The following TRIM64B variants were observed in gnomAD, a reference collection of about 807,000 sequenced individuals.
TRIM64B encodes the protein tripartite motif containing 64B, also known as tripartite motif-containing protein 64B.
For missense variants in TRIM64B, 57 were observed against 536.4 expected (o/e 0.11, Z 8.83); for synonymous variants, 17 against 190.3 (o/e 0.09, Z 7.50).
rs771338591 is a variant in TRIM64B, at chr11:89,875,806, T to A, written c.212A>T (p.Lys71Ile). Residue 71 changes from lysine (K) to isoleucine (I), a missense_variant, in exon 1 of 6, where the codon AAA (lysine) becomes ATA (isoleucine). Coordinates refer to ENST00000329862, the Ensembl canonical transcript of TRIM64B. ...CTGTCTGGCTAGGGAAGACAGCTTT[T>A]TGAGTACCAGATTGGTGTTGAAGTT... 6 of 1,540,162 alleles carry A rather than the reference T, an allele frequency of 3.9e-6. No individual in the cohort carries two copies. In the African/African-American group the frequency reaches 8.2e-5, roughly 21 times the overall value.
upstream of TRIM64B, among the ~76,000 whole-genome samples, chr11:89,876,505 G>A (rs1258802368): frequency 4.0e-5 from 6 of 149,644 alleles, no homozygotes; most frequent in East Asian, 7.9e-4. Flanking sequence ...GGCGGATCAC[G>A]AGGTCAGGAG....
chr11:89,876,985 T>C (rs1950169773), upstream of TRIM64B, among the ~76,000 whole-genome samples: 3 of 146,538 alleles, frequency 2.0e-5, no homozygotes, highest in South Asian at 2.2e-4. Context: ...GAGTCACTTA[T>C]GTAAGCTAAT....
exon 1 of TRIM64B, chr11:89,875,807 T>G: frequency 6.5e-7 from 1 of 1,540,172 alleles, no homozygotes; most frequent in East Asian, 2.5e-5. Context: ...GACAGCTTTT[T>G]GAGTACCAGA....
At chr11:89,877,609 C>CTTTTTTT (rs1280189775), upstream of TRIM64B, among the ~76,000 whole-genome samples, 1 of 141,498 alleles carries the variant, frequency 7.1e-6, no homozygotes, top group African/African-American at 2.6e-5. Context: ...TTTTCTTTTT[C>CTTTTTTT]TTTTTTTTTT....
At chr11:89,877,013 C>T (rs1247506552), upstream of TRIM64B, among the ~76,000 whole-genome samples, 1 of 144,748 alleles carries the variant, frequency 6.9e-6, no homozygotes, top group Non-Finnish European at 1.5e-5. Context: ...GAAGCACATT[C>T]TGAATGTCAT....
At chr11:89,877,583 T>C (rs1306831237), upstream of TRIM64B, among the ~76,000 whole-genome samples, 3 of 148,734 alleles carry the variant, frequency 2.0e-5, no homozygotes, top group Non-Finnish European at 3.0e-5. Context: ...TCTATTGATC[T>C]ATTTTCTTTC....
At chr11:89,878,211 A>G (rs1297550012), upstream of TRIM64B, among the ~76,000 whole-genome samples, 2 of 130,664 alleles carry the variant, frequency 1.5e-5, no homozygotes, top group African/African-American at 6.0e-5. Flanking sequence ...AACACAAACC[A>G]TATCTTACAA....
At chr11:89,876,736 A>AC (rs1950167289), upstream of TRIM64B, among the ~76,000 whole-genome samples, 1 of 149,430 alleles carries the variant, frequency 6.7e-6, no homozygotes, top group South Asian at 2.1e-4. Flanking sequence ...AAAAAAAAAA[A>AC]AAAAGTACAT....
upstream of TRIM64B, among the ~76,000 whole-genome samples, chr11:89,876,467 A>T (rs1318729673): frequency 6.7e-6 from 1 of 149,496 alleles, no homozygotes; most frequent in African/African-American, 2.4e-5. Context: ...TCATGCCTGT[A>T]ATCCCAGCAC....
upstream of TRIM64B, among the ~76,000 whole-genome samples, chr11:89,876,864 G>A (rs1950168633): frequency 6.7e-6 from 1 of 149,366 alleles, no homozygotes; most frequent in Non-Finnish European, 1.5e-5. Flanking sequence ...ATGAGAAAAT[G>A]AGACAACAGT....
chr11:89,872,889 C>CCCATCCTT (rs1192403953), intron 4 of TRIM64B, among the ~76,000 whole-genome samples: 56 of 151,558 alleles, frequency 3.7e-4, no homozygotes, highest in Middle Eastern at 6.8e-3. Flanking sequence ...CCCTCCTCAG[C>CCCATCCTT]CCATCCTTAG....
At chr11:89,871,865 A>C in intron 5 of TRIM64B, among the ~76,000 whole-genome samples, 1 of 37,566 alleles carries the variant, frequency 2.7e-5, no homozygotes, top group East Asian at 5.2e-4. Context: ...ACAATTAAAA[A>C]CCATTATGCC....
intron 2 of TRIM64B, 30 bp downstream of exon 3, chr11:89,874,948 T>G: frequency 2.6e-6 from 4 of 1,547,892 alleles, no homozygotes; most frequent in Non-Finnish European, 3.5e-6. Flanking sequence ...TTTATTTGCA[T>G]AAAAACAAAG....
intron 4 of TRIM64B, among the ~76,000 whole-genome samples, chr11:89,872,857 G>C (rs539232296): frequency 6.2e-4 from 94 of 151,612 alleles, no homozygotes; most frequent in African/African-American, 2.2e-3. Context: ...CCGGGTCATT[G>C]ATGCTTTTAG....
intron 4 of TRIM64B, among the ~76,000 whole-genome samples, chr11:89,873,013 G>A (rs1163224375): frequency 4.6e-5 from 7 of 151,778 alleles, no homozygotes. Flanking sequence ...AAGATCTGTG[G>A]GGTATGGTTG....
chr11:89,872,575 C>G (rs1244721737), intron 4 of TRIM64B, among the ~76,000 whole-genome samples: 1 of 151,826 alleles, frequency 6.6e-6, no homozygotes, highest in East Asian at 1.9e-4. Flanking sequence ...TTGCCTCCCT[C>G]TGCCCATCAC....
chr11:89,876,574 T>C (rs2134713317), upstream of TRIM64B, among the ~76,000 whole-genome samples: 1 of 149,550 alleles, frequency 6.7e-6, no homozygotes, highest in South Asian at 2.1e-4. Flanking sequence ...TACAAAAAAT[T>C]AGCAGGGCGT....
Position 89,876,003 on chromosome 11 carries a change from G to T in TRIM64B, c.15C>A (p.Asp5Glu), listed in dbSNP as rs757725046. The stretch of plus-strand genomic sequence containing the variant: ...TGAGCTCATTCTGGAAGACTTGCAG[G>T]TCGTCTGAATCCATGTTTCTGGAAA... The change falls in exon 1 of 6, where the codon GAC becomes GAA. Residue 5 changes from aspartate to glutamate, a missense_variant. By Grantham distance (45) the Asp-to-Glu change is conservative. Coordinates refer to ENST00000329862, the Ensembl canonical transcript of TRIM64B. The T allele has an allele frequency of 1.8e-4, 274 of 1,503,110 alleles. 1 individual carries two copies. The African/African-American group carries it at 3.1e-3, about 17-fold the overall frequency. The allele number at this position is 1,503,110 out of a possible 1,614,324, so 93.1% of individuals were successfully genotyped here. A position where few individuals can be genotyped will look rare whatever the true frequency, so the allele number is the denominator to read the frequency against.
chr11:89,876,598 T>C (rs1336893054), upstream of TRIM64B, among the ~76,000 whole-genome samples: 1 of 149,438 alleles, frequency 6.7e-6, no homozygotes, highest in African/African-American at 2.4e-5. Flanking sequence ...GGTACGTGCC[T>C]GTAGTCCCAG....
Sources: gnomAD v4.1 joint callset for allele counts (sites outside exome capture counted in the v4.1 genomes callset) on GRCh38, gnomAD v4.1.1 for gene constraint, MANE v1.5 for transcripts, NCBI Gene and HGNC (gene_info 2026-07-23, HGNC 2026-07-21) for gene names.